The following MACROD2 variants were observed in gnomAD, a reference collection of about 807,000 sequenced individuals.
The protein encoded by MACROD2 is mono-ADP ribosylhydrolase 2, also known as ADP-ribose glycohydrolase MACROD2.
A neutral mutation model predicts 70.4 loss-of-function variants in MACROD2; 36 were observed. The observed-to-expected ratio is 0.51, with a 90% CI of 0.39 to 0.68. MACROD2 has a LOEUF of 0.68. Ranked by LOEUF, MACROD2 falls within the 30% of genes least tolerant of loss-of-function variation. The pLI is 0.00. For missense variants in MACROD2, 496 were observed against 538.4 expected (o/e 0.92, Z 0.78); for synonymous variants, 172 against 178.8 (o/e 0.96, Z 0.30).
intron 5 of MACROD2, among the ~76,000 whole-genome samples, chr20:14,986,518 C>G (rs1220574188): frequency 6.6e-6 from 1 of 152,116 alleles, no homozygotes; most frequent in Non-Finnish European, 1.5e-5. Flanking sequence ...AGTGCTGGAA[C>G]TCTTTAAGTC....
chr20:14,212,972 G>A (rs2081582701), intron 3 of MACROD2, among the ~76,000 whole-genome samples: 1 of 151,706 alleles, frequency 6.6e-6, no homozygotes, highest in Admixed American at 6.6e-5. Context: ...CTGAGTAAAG[G>A]CTGTTGTCAG....
intron 4 of MACROD2, among the ~76,000 whole-genome samples, chr20:14,539,780 G>A (rs1206848306): frequency 6.6e-6 from 1 of 152,190 alleles, no homozygotes; most frequent in African/African-American, 2.4e-5. Context: ...CAGAGAAATT[G>A]AGAACTTAGG....
chr20:14,808,121 T>G (rs1421455692), intron 5 of MACROD2, among the ~76,000 whole-genome samples: 1 of 148,918 alleles, frequency 6.7e-6, no homozygotes, highest in Non-Finnish European at 1.5e-5. Context: ...TCAAGAAGAG[T>G]AACATAATTG....
intron 5 of MACROD2, among the ~76,000 whole-genome samples, chr20:15,016,434 T>G (rs1436491884): frequency 6.6e-6 from 1 of 152,146 alleles, no homozygotes; most frequent in Non-Finnish European, 1.5e-5. Context: ...CCAAATCTCA[T>G]GTTGGAATGT....
chr20:15,017,453 T>C lies in MACROD2; in HGVS notation c.419-212487T>C, dbSNP rs533007919. Among the ~76,000 whole-genome samples, 5 of 152,332 alleles carry C rather than the reference T, an allele frequency of 3.3e-5. No homozygotes were observed. The East Asian group carries it at 7.7e-4, about 24-fold the overall frequency. Reference sequence around the variant, plus strand: ...CTTTCACGGGCTGGCATTGAGTGTCTGTGGCTTTTCCAGGTTCACAGTGCA... The same window carrying C: ...CTTTCACGGGCTGGCATTGAGTGTCCGTGGCTTTTCCAGGTTCACAGTGCA... On this transcript the variant is annotated intron_variant, in intron 5 of 17. Coordinates refer to ENST00000684519, the MANE Select transcript of MACROD2 (RefSeq NM_001351661.2).
At chr20:15,272,858 A>G (rs1369621066) in intron 6 of MACROD2, among the ~76,000 whole-genome samples, 1 of 152,200 alleles carries the variant, frequency 6.6e-6, no homozygotes. Context: ...TTGCCAATCA[A>G]CCTGCCCATC....
chr20:14,987,224 T>G (rs2074857580), intron 5 of MACROD2, among the ~76,000 whole-genome samples: 1 of 152,184 alleles, frequency 6.6e-6, no homozygotes, highest in South Asian at 2.1e-4. Flanking sequence ...ACAATTGATT[T>G]GTGGCAATTT....
intron 2 of MACROD2, among the ~76,000 whole-genome samples, chr20:14,011,225 G>T (rs894370051): frequency 6.6e-6 from 1 of 152,130 alleles, no homozygotes; most frequent in African/African-American, 2.4e-5. Flanking sequence ...TTACTGGCAA[G>T]GTGCTTCCTG....
At chr20:14,126,799 C>T (rs577463779) in intron 3 of MACROD2, among the ~76,000 whole-genome samples, 12 of 152,098 alleles carry the variant, frequency 7.9e-5, no homozygotes, top group Non-Finnish European at 1.0e-4. Context: ...TACCACCAAC[C>T]GCACCCATAG....
At chr20:14,795,190 A>G (rs984957406) in intron 5 of MACROD2, among the ~76,000 whole-genome samples, 21 of 152,138 alleles carry the variant, frequency 1.4e-4, no homozygotes, top group Admixed American at 1.3e-3. Context: ...TATTCCAACC[A>G]AAATGGGAAA....
intron 5 of MACROD2, among the ~76,000 whole-genome samples, chr20:15,094,558 A>C (rs2075815095): frequency 6.6e-6 from 1 of 152,160 alleles, no homozygotes; most frequent in East Asian, 1.9e-4. Context: ...ACTTAAAATA[A>C]ATTCAACCAC....
intron 5 of MACROD2, among the ~76,000 whole-genome samples, chr20:14,940,561 G>T (rs1370658130): frequency 3.9e-5 from 6 of 152,088 alleles, no homozygotes; most frequent in Non-Finnish European, 7.4e-5. Flanking sequence ...TTATTATTTT[G>T]AGGTATGTTC....
intron 3 of MACROD2, among the ~76,000 whole-genome samples, chr20:14,196,323 C>A (rs2081432239): frequency 6.6e-6 from 1 of 152,236 alleles, no homozygotes; most frequent in African/African-American, 2.4e-5. Context: ...TGTTGTGATG[C>A]ACTTATCACA....
chr20:14,684,635 A>G (rs2070976664), intron 4 of MACROD2, among the ~76,000 whole-genome samples: 1 of 124,302 alleles, frequency 8.0e-6, no homozygotes, highest in Non-Finnish European at 1.6e-5. Context: ...ACTTCTGTTC[A>G]CCACATAACC....
intron 8 of MACROD2, among the ~76,000 whole-genome samples, chr20:15,747,382 C>A (rs900011442): frequency 6.6e-6 from 1 of 152,096 alleles, no homozygotes; most frequent in African/African-American, 2.4e-5. Flanking sequence ...CTCAGGTAAA[C>A]GTTTGGTAAT....
At chr20:14,457,495 C>T (rs575482392) in intron 3 of MACROD2, among the ~76,000 whole-genome samples, 1 of 152,208 alleles carries the variant, frequency 6.6e-6, no homozygotes, top group South Asian at 2.1e-4. Context: ...CTTTCTTTTA[C>T]AACTCTGCTA....
intron 8 of MACROD2, among the ~76,000 whole-genome samples, chr20:15,537,148 G>A (rs930550252): frequency 6.6e-6 from 1 of 152,062 alleles, no homozygotes; most frequent in African/African-American, 2.4e-5. Context: ...CTATTCTTGT[G>A]GTAGTGAATA....
chr20:15,537,849 G>A (rs764901419), intron 8 of MACROD2, among the ~76,000 whole-genome samples: 5 of 152,146 alleles, frequency 3.3e-5, no homozygotes, highest in East Asian at 1.9e-4. Flanking sequence ...GCTAGATCAC[G>A]ACCCCAGTCA....
chr20:15,251,790 T>C (rs540250966), intron 6 of MACROD2, among the ~76,000 whole-genome samples: 1 of 152,314 alleles, frequency 6.6e-6, no homozygotes, highest in African/African-American at 2.4e-5. Flanking sequence ...CTATTTTAAA[T>C]GTTTAAATTG....
Sources: allele counts gnomAD v4.1 joint callset (sites outside exome capture counted in the v4.1 genomes callset), GRCh38; gene constraint gnomAD v4.1.1; transcripts MANE v1.5; gene names NCBI Gene and HGNC (gene_info 2026-07-23, HGNC 2026-07-21).